Variants in DACT2 observed in about 807,000 individuals in gnomAD.
The protein encoded by DACT2 is dapper homolog 2.
DACT2 carries 20 observed loss-of-function variants against 22.2 expected under a neutral mutation model. The ratio of observed to expected loss-of-function variants is 0.90; its 90% CI spans 0.63 to 1.31. DACT2 has a LOEUF of 1.31. Among genes scored for constraint, DACT2 ranks in the 50% most tolerant of loss-of-function variants. DACT2 has a pLI of 0.00. For missense variants in DACT2, 1,048 were observed against 1,061.4 expected, an observed-to-expected ratio of 0.99 and a Z score of 0.18; for synonymous variants, 463 against 479.8, an observed-to-expected ratio of 0.96 and a Z score of 0.46.
At chr6:168,305,713 C>T (rs749784886), downstream of DACT2, among the ~76,000 whole-genome samples, 11 of 152,176 alleles carry the variant, frequency 7.2e-5, no homozygotes, top group Admixed American at 6.5e-4. Flanking sequence ...CTAAGTGGTC[C>T]TGGAGAAGCC....
Position 168,307,089 on chromosome 6 carries a change from C to A in DACT2, c.*343G>T. ...AAGGATTGGGAAACACTTCCCCAGC[C>A]AGAGGGGAGTGAGGGCAGGGGAAGC... On this transcript the variant is annotated 3_prime_UTR_variant, in exon 4 of 4. Coordinates refer to ENST00000366795, the MANE Select transcript of DACT2 (RefSeq NM_214462.5). This position sits in a 1 kb window ranked among gnomAD's most constrained non-coding sequence, Gnocchi z 5.3. The A allele has an allele frequency of 9.3e-7, 1 of 1,078,232 alleles. No individual in the cohort carries two copies. The highest frequency in any genetic ancestry group is 1.1e-6 in the Non-Finnish European group (1 of 888,676). 66.8% of individuals were successfully genotyped at this position (1,078,232 alleles called of 1,614,324 possible). A position where few individuals can be genotyped will look rare whatever the true frequency, so the allele number is the denominator to read the frequency against.
At chr6:168,318,194 G>A (rs547670386) in intron 1 of DACT2, among the ~76,000 whole-genome samples, 38 of 152,400 alleles carry the variant, frequency 2.5e-4, no homozygotes, top group African/African-American at 8.7e-4. Context: ...CTAAACAGAC[G>A]GCCAGGATTT....
At position 168,311,294 on chromosome 6, in the gene DACT2, G is replaced by T. The variant is rs927968587; in HGVS notation, c.247-10C>A. 5.2e-6 allele frequency: 8 copies of T among 1,537,010 alleles called. No individual in the cohort carries two copies. Among genetic ancestry groups the T allele is most frequent in the African/African-American group, 1.4e-5 (1 of 72,936 alleles). On this transcript the variant is annotated splice_polypyrimidine_tract_variant and intron_variant, in intron 1 of 3. Coordinates refer to ENST00000366795, the MANE Select transcript of DACT2 (RefSeq NM_214462.5). ...GTTGTCTCAGCCGGGACTGAGAAGG[G>T]AAAGAAGAGAAAGGGAACTGTTGTA...
chr6:168,308,108 GGCCTC>G lies in DACT2; in HGVS notation c.1644_1648del (p.Arg549SerfsTer13). The G allele has an allele frequency of 6.5e-7, 1 of 1,546,588 alleles. No individual in the cohort carries two copies. Among genetic ancestry groups the G allele is most frequent in the African/African-American group, 1.4e-5 (1 of 73,020 alleles). ...CCCGGGTGCCTCCCAGGCCAGGGCT[GGCCTC>G]CGCTGGAGCCCGCCCCTCCCTGTGG... is the stretch of plus-strand genomic sequence containing the variant. On this transcript the variant is annotated frameshift_variant, in exon 4 of 4. Transcript: ENST00000366795. LOFTEE classifies it low-confidence loss of function (END_TRUNC).
Position 168,307,216 on chromosome 6 carries a change from T to A in DACT2, c.*216A>T. ...AGGTCGGCCGGGGAGGCTGCTGGCA[T>A]CTGAAACCAGAGCTCCGCATGGAAG... On this transcript the variant is annotated 3_prime_UTR_variant, in exon 4 of 4. Coordinates refer to ENST00000366795, the MANE Select transcript of DACT2 (RefSeq NM_214462.5). This position sits in a 1 kb window ranked among gnomAD's most constrained non-coding sequence, Gnocchi z 5.3. 1 of 1,398,906 alleles carries A rather than the reference T, an allele frequency of 7.1e-7. No individual in the cohort carries two copies. Among genetic ancestry groups the A allele is most frequent in the Non-Finnish European group, 9.2e-7 (1 of 1,081,684 alleles). 86.7% of individuals were successfully genotyped at this position (1,398,906 alleles called of 1,614,324 possible). A position where few individuals can be genotyped will look rare whatever the true frequency, so the allele number is the denominator to read the frequency against.
chr6:168,301,579 T>G (rs1333021420), intron 3 of DACT2, among the ~76,000 whole-genome samples: 1 of 152,188 alleles, frequency 6.6e-6, no homozygotes, highest in East Asian at 1.9e-4. Context: ...AGCTTCCTAA[T>G]TTTTGTCCCT....
At position 168,319,557 on chromosome 6, in the gene DACT2, A is replaced by G. The variant is rs1444731522; in HGVS notation, c.77T>C (p.Phe26Ser). The change falls in exon 1 of 4, where the codon TTC becomes TCC. Residue 26 changes from phenylalanine to serine, a missense_variant. By Grantham distance (155) the Phe-to-Ser change is radical. Coordinates refer to ENST00000366795, the MANE Select transcript of DACT2 (RefSeq NM_214462.5). ...CCCCTGCAGCTCCTGCAGCCCCGCG[A>G]ACGCCGCGCGCAACCTCGCGCCCAA... ...RRLGARLRAAFAGLQELQGLR... is the reference protein window; with the variant it reads ...RRLGARLRAASAGLQELQGLR... 1.5e-6 allele frequency: 2 copies of G among 1,378,518 alleles called. No homozygotes were observed. The highest frequency in any genetic ancestry group is 2.5e-5 in the Admixed American group (1 of 39,334). The allele number at this position is 1,378,518 out of a possible 1,614,324, so 85.4% of individuals were successfully genotyped here.
At chr6:168,296,670 C>T (rs1050371131) in intron 3 of DACT2, among the ~76,000 whole-genome samples, 1 of 152,236 alleles carries the variant, frequency 6.6e-6, no homozygotes, top group South Asian at 2.1e-4. Context: ...ATCACGGGCA[C>T]CTCCAGGCAA....
In DACT2 at chr6:168,319,512, T is replaced by C. The variant is rs1266796080; in HGVS notation, c.122A>G (p.Glu41Gly). 7 of 1,345,530 alleles carry C rather than the reference T, an allele frequency of 5.2e-6. No homozygotes were observed. Among genetic ancestry groups the C allele is most frequent in the Non-Finnish European group, 6.7e-6 (7 of 1,040,912 alleles). The allele number at this position is 1,345,530 out of a possible 1,614,324, so 83.3% of individuals were successfully genotyped here. Residue 41 changes from glutamate (E) to glycine (G), a missense_variant, in exon 1 of 4, where the codon GAG becomes GGG. By Grantham distance (98) the Glu-to-Gly change is moderately conservative. Coordinates refer to ENST00000366795, the MANE Select transcript of DACT2 (RefSeq NM_214462.5). ...CAGGGCCAGGGCGCCCCGTACCCGC[T>C]CCTGCTGCGTGGCTCGCAGCCCCTG... ...ELQGLRATQQ[E>G]RVRGALALQP...
intron 1 of DACT2, among the ~76,000 whole-genome samples, chr6:168,311,560 T>TCCACA (rs1562498436): frequency 2.7e-5 from 1 of 37,394 alleles, no homozygotes; most frequent in African/African-American, 7.4e-5. Context: ...ATACACACAC[T>TCCACA]CACACACAAA....
At chr6:168,294,366 G>C (rs534617182) in intron 4 of DACT2, among the ~76,000 whole-genome samples, 1 of 152,090 alleles carries the variant, frequency 6.6e-6, no homozygotes, top group Non-Finnish European at 1.5e-5. Context: ...ACCTGTCAGC[G>C]AGCTGGAGGT....
chr6:168,310,480 C>T, intron 2 of DACT2, 34 bp from the exon 3 acceptor site: 3 of 1,530,854 alleles, frequency 2.0e-6, no homozygotes, highest in Non-Finnish European at 2.6e-6. Context: ...TCAGTGACCC[C>T]CATCCAGAAA....
At chr6:168,297,637 A>G (rs1261720526) in intron 3 of DACT2, among the ~76,000 whole-genome samples, 2 of 152,372 alleles carry the variant, frequency 1.3e-5, no homozygotes, top group South Asian at 4.1e-4. Context: ...CTGTGTTTTA[A>G]GCCCCCAAGT....
At chr6:168,293,316 T>A (rs1778944779) in exon 6 of DACT2, 1 of 152,812 alleles carries the variant, frequency 6.5e-6, no homozygotes, top group African/African-American at 2.4e-5. Flanking sequence ...ATGAAAAATA[T>A]CAATTATCTC....
downstream of DACT2, among the ~76,000 whole-genome samples, chr6:168,303,630 C>CT (rs1443045240): frequency 6.6e-6 from 1 of 152,124 alleles, no homozygotes; most frequent in East Asian, 1.9e-4. Flanking sequence ...CCAAATAAGC[C>CT]TTTTTTCTTT....
chr6:168,314,271 C>T lies in DACT2; in HGVS notation c.247-2987G>A, dbSNP rs142794252. 4.9e-3 allele frequency among the ~76,000 whole-genome samples: 739 copies of T among 152,280 alleles called. 9 individuals are homozygous for T. The highest frequency in any genetic ancestry group is 0.024 in the Middle Eastern group (7 of 294). On this transcript the variant is annotated intron_variant, in intron 1 of 3. Transcript: ENST00000366795. ...TGCAAGCGTTCAGGCTAACTCCAGG[C>T]GGCCTTGCTCACGGTGTGCTCTGGG... is the stretch of plus-strand genomic sequence containing the variant.
At position 168,307,836 on chromosome 6, in the gene DACT2, C is replaced by T. The variant is rs1191452415; in HGVS notation, c.1921G>A (p.Gly641Ser). Residue 641 changes from glycine to serine, a missense_variant, in exon 4 of 4, where the codon GGC becomes AGC. Gly to Ser is a moderately conservative substitution (Grantham distance 56, BLOSUM62 0). Transcript: ENST00000366795. This position sits in a 1 kb window ranked among gnomAD's most constrained non-coding sequence, Gnocchi z 5.3. The stretch of plus-strand genomic sequence containing the variant: ...GAGGGACGGCCCCGGGCCAGTGGGC[C>T]ACCTGCTCTCCTGGCCACGGGCCTG... ...PPRPVARRAGGPLARGRPSLV... is the reference protein window; with the variant it reads ...PPRPVARRAGSPLARGRPSLV... 2.0e-6 allele frequency: 3 copies of T among 1,538,100 alleles called. No individual in the cohort carries two copies. The highest frequency in any genetic ancestry group is 2.6e-6 in the Non-Finnish European group (3 of 1,144,960).
intron 1 of DACT2, 85 bp from the exon 2 acceptor site, chr6:168,311,369 G>C: frequency 2.1e-6 from 3 of 1,414,598 alleles, no homozygotes; most frequent in South Asian, 1.5e-5. Context: ...CATGCATTGT[G>C]AATGCAATTT....
chr6:168,294,594 TATATATATACAC>T (rs1778977066), intron 4 of DACT2: 2 of 604,954 alleles, frequency 3.3e-6, no homozygotes, highest in Non-Finnish European at 4.7e-6. Flanking sequence ...TATATATATA[TATATATATACAC>T]ATATAAAGAA....
Sources: allele counts gnomAD v4.1 joint callset (sites outside exome capture counted in the v4.1 genomes callset), GRCh38; gene constraint gnomAD v4.1.1; non-coding constraint Gnocchi (gnomAD v3.1); transcripts MANE v1.5; gene names NCBI Gene and HGNC (gene_info 2026-07-23, HGNC 2026-07-21).